PTN: variants seen among roughly 807,000 people sequenced by gnomAD.
PTN encodes pleiotrophin.
PTN carries 18 observed loss-of-function variants against 24.1 expected under a neutral mutation model. That is an observed-to-expected ratio of 0.75 (90% confidence interval 0.52 to 1.11). The LOEUF (loss-of-function observed/expected upper bound fraction) is 1.11. Ranked by LOEUF, PTN falls within the 50% of genes least tolerant of loss-of-function variation. The pLI is 0.00. For synonymous variants in PTN, 78 were observed against 68.6 expected (o/e 1.14, Z -0.67); for missense variants, 163 against 198.8 (o/e 0.82, Z 1.08).
intron 1 of PTN, among the ~76,000 whole-genome samples, chr7:137,288,076 G>C (rs748346785): frequency 3.9e-5 from 6 of 152,070 alleles, no homozygotes; most frequent in African/African-American, 1.4e-4. Flanking sequence ...AGGGTTTTGG[G>C]GTCAGGTCTC....
At chr7:137,334,636 G>A (rs1256215799) in intron 1 of PTN, among the ~76,000 whole-genome samples, 18 of 122,814 alleles carry the variant, frequency 1.5e-4, no homozygotes, top group South Asian at 3.4e-4. Context: ...TCAGTGTGGC[G>A]ATTCCTCAGG....
intron 1 of PTN, among the ~76,000 whole-genome samples, chr7:137,293,775 G>A (rs542174859): frequency 4.7e-4 from 71 of 151,848 alleles, no homozygotes; most frequent in African/African-American, 1.3e-3. Context: ...ATGAACTTTC[G>A]TTGACATGTC....
chr7:137,260,942 C>T (rs1809025958), intron 1 of PTN, among the ~76,000 whole-genome samples: 1 of 151,884 alleles, frequency 6.6e-6, no homozygotes. Context: ...AAATGTTTTC[C>T]TTCATCTAAT....
At chr7:137,283,141 G>C (rs1809499689) in intron 1 of PTN, among the ~76,000 whole-genome samples, 1 of 152,080 alleles carries the variant, frequency 6.6e-6, no homozygotes, top group African/African-American at 2.4e-5. Flanking sequence ...TGTCCACATG[G>C]GTACTAAGGC....
At chr7:137,246,770 G>C (rs995290192) in intron 4 of PTN, among the ~76,000 whole-genome samples, 1 of 152,176 alleles carries the variant, frequency 6.6e-6, no homozygotes, top group African/African-American at 2.4e-5. Flanking sequence ...AATGTGACCA[G>C]CGTTGCATGG....
intron 2 of PTN, among the ~76,000 whole-genome samples, chr7:137,254,017 C>T (rs747372322): frequency 1.5e-4 from 23 of 152,112 alleles, no homozygotes; most frequent in Non-Finnish European, 2.5e-4. Context: ...TAACAGTTGT[C>T]AGCTGGGCAA....
chr7:137,306,694 C>A (rs1182663130), intron 1 of PTN, among the ~76,000 whole-genome samples: 1 of 152,092 alleles, frequency 6.6e-6, no homozygotes, highest in Non-Finnish European at 1.5e-5. Flanking sequence ...AATGTATTCA[C>A]AATTTATTTA....
Position 137,281,312 on chromosome 7 carries a change from G to A in PTN, c.-1-26338C>T, listed in dbSNP as rs533796157. Among the ~76,000 whole-genome samples the A allele has an allele frequency of 4.6e-5, 7 of 151,986 alleles. No individual in the cohort carries two copies. The East Asian group carries it at 5.8e-4, about 13-fold the overall frequency. On this transcript the variant is annotated intron_variant, in intron 1 of 4. Transcript: ENST00000348225. ...GATTCTTTCAGATTTTGGTTAAAGT[G>A]ATAAAGCTTTCACTCATAAAAGAGT...
At chr7:137,304,609 C>T (rs370510590) in intron 1 of PTN, among the ~76,000 whole-genome samples, 1 of 151,930 alleles carries the variant, frequency 6.6e-6, no homozygotes, top group African/African-American at 2.4e-5. Context: ...AGGAAGTTCA[C>T]GTGGAATGCA....
intron 1 of PTN, among the ~76,000 whole-genome samples, chr7:137,289,684 C>T (rs2128877090): frequency 6.6e-6 from 1 of 152,176 alleles, no homozygotes; most frequent in East Asian, 1.9e-4. Flanking sequence ...AGCTAAGTGG[C>T]CCACAGCTGA....
intron 1 of PTN, among the ~76,000 whole-genome samples, chr7:137,315,181 T>C (rs1019218934): frequency 3.9e-5 from 6 of 152,148 alleles, no homozygotes; most frequent in Non-Finnish European, 8.8e-5. Context: ...CATGCAATGG[T>C]ATCACCATTA....
intron 4 of PTN, among the ~76,000 whole-genome samples, chr7:137,246,310 G>A (rs943276559): frequency 6.6e-6 from 1 of 152,124 alleles, no homozygotes; most frequent in Non-Finnish European, 1.5e-5. Flanking sequence ...TAGATTTGCA[G>A]CCTAGGAGCA....
chr7:137,233,999 TAG>T lies in PTN; in HGVS notation c.452-5926_452-5925del, dbSNP rs749369343. ...GTATATATATACACACACACATACATAGAGAGAGAGAGATTACTCATAACTTC... is the reference window on the plus strand; with the variant it reads ...GTATATATATACACACACACATACATAGAGAGAGAGATTACTCATAACTTC... On this transcript the variant is annotated intron_variant, in intron 4 of 4. Transcript: ENST00000348225. Among the ~76,000 whole-genome samples, 7 of 150,430 alleles carry T rather than the reference TAG, an allele frequency of 4.7e-5. No homozygotes were observed. In the South Asian group the frequency reaches 8.4e-4, roughly 18 times the overall value.
intron 4 of PTN, among the ~76,000 whole-genome samples, chr7:137,246,800 A>G (rs575641726): frequency 6.6e-6 from 1 of 152,210 alleles, no homozygotes; most frequent in African/African-American, 2.4e-5. Context: ...ACCAAGAAGG[A>G]GCATCGTGCA....
chr7:137,266,977 C>T (rs1809162851), intron 1 of PTN, among the ~76,000 whole-genome samples: 1 of 150,994 alleles, frequency 6.6e-6, no homozygotes, highest in African/African-American at 2.4e-5. Context: ...ATAGGAAGGC[C>T]TCAGTGCTTT....
At chr7:137,337,499 G>A (rs1412883213) in intron 1 of PTN, among the ~76,000 whole-genome samples, 1 of 152,022 alleles carries the variant, frequency 6.6e-6, no homozygotes, top group Non-Finnish European at 1.5e-5. Flanking sequence ...TTAAAAACAG[G>A]CCTTATAGCT....
intron 4 of PTN, among the ~76,000 whole-genome samples, chr7:137,247,800 A>G (rs1309341198): frequency 2.0e-5 from 3 of 152,174 alleles, no homozygotes; most frequent in Admixed American, 2.0e-4. Context: ...ATCCACAAAA[A>G]TTAAAAAGAA....
intron 1 of PTN, among the ~76,000 whole-genome samples, chr7:137,312,389 T>C (rs2128880001): frequency 6.6e-6 from 1 of 152,294 alleles, no homozygotes; most frequent in East Asian, 1.9e-4. Flanking sequence ...AACTAAGCAG[T>C]GGGAGCCTAC....
chr7:137,338,726 T>G (rs984890400), intron 1 of PTN, among the ~76,000 whole-genome samples: 1 of 152,254 alleles, frequency 6.6e-6, no homozygotes, highest in South Asian at 2.1e-4. Context: ...TCAGTCACTA[T>G]GCGTAAAAGT....
Sources: gnomAD v4.1 joint callset for allele counts (sites outside exome capture counted in the v4.1 genomes callset) on GRCh38, gnomAD v4.1.1 for gene constraint, MANE v1.5 for transcripts, NCBI Gene and HGNC (gene_info 2026-07-23, HGNC 2026-07-21) for gene names.